BLOC1S3: variants seen among roughly 807,000 people sequenced by gnomAD.
The protein encoded by BLOC1S3 is biogenesis of lysosome-related organelles complex 1 subunit 3.
In BLOC1S3, 7 loss-of-function variants were observed where a neutral mutation model predicts 9.1. That is an observed-to-expected ratio of 0.77 (90% CI 0.44 to 1.45). BLOC1S3 has a LOEUF of 1.45. Ranked by LOEUF, BLOC1S3 falls within the 40% of genes most tolerant of loss-of-function variation. BLOC1S3 has a pLI of 0.01. For synonymous variants in BLOC1S3, 145 were observed against 158.4 expected (o/e 0.92, Z 0.64); for missense variants, 307 against 315.2 (o/e 0.97, Z 0.20).
downstream of BLOC1S3, among the ~76,000 whole-genome samples, chr19:45,183,791 T>C (rs1969546154): frequency 6.6e-6 from 1 of 151,784 alleles, no homozygotes; most frequent in Non-Finnish European, 1.5e-5. Flanking sequence ...CATGCCCAGC[T>C]AGTTTTTCTA....
chr19:45,211,172 CTTGCTCTT>C (rs1438866055), intron 3 of BLOC1S3, among the ~76,000 whole-genome samples: 1 of 152,010 alleles, frequency 6.6e-6, no homozygotes, highest in Non-Finnish European at 1.5e-5. Context: ...CAACTCCTCT[CTTGCTCTT>C]TTGCATATTG....
At position 45,190,874 on chromosome 19, in the gene BLOC1S3, C is replaced by T. The variant is rs957457272; in HGVS notation, n.180+3134C>T. 1.4e-4 allele frequency among the ~76,000 whole-genome samples: 18 copies of T among 128,520 alleles called. No homozygotes were observed. The South Asian group carries it at 2.0e-3, about 14-fold the overall frequency. 84.3% of individuals were successfully genotyped at this position (128,520 alleles called of 152,430 possible). On this transcript the variant is annotated intron_variant and non_coding_transcript_variant, in intron 2 of 3. Coordinates refer to the BLOC1S3 transcript ENST00000591569. ...AGGCTGGAGTGCAGTGGCGCAATCT[C>T]GGCTCACTGCAAGCTCTGCCTCCCA...
intron 2 of BLOC1S3, among the ~76,000 whole-genome samples, chr19:45,190,615 T>C (rs1969597165): frequency 6.6e-6 from 1 of 151,446 alleles, no homozygotes; most frequent in South Asian, 2.1e-4. Context: ...TTGCCCAGGC[T>C]GGTCTCGAAC....
At chr19:45,200,350 T>G (rs1024281468) in intron 2 of BLOC1S3, among the ~76,000 whole-genome samples, 1 of 151,862 alleles carries the variant, frequency 6.6e-6, no homozygotes, top group Middle Eastern at 3.2e-3. Flanking sequence ...CCTGGCTAAT[T>G]TTTTTGTATT....
chr19:45,211,324 C>T (rs113357289), intron 3 of BLOC1S3, among the ~76,000 whole-genome samples: 15,002 of 151,696 alleles, frequency 0.099, 796 homozygotes, highest in South Asian at 0.14. Flanking sequence ...TGGTGAAGCC[C>T]CGTCTCTACT....
chr19:45,190,121 G>T (rs1969593824), intron 2 of BLOC1S3, among the ~76,000 whole-genome samples: 1 of 151,464 alleles, frequency 6.6e-6, no homozygotes, highest in South Asian at 2.1e-4. Context: ...AAAGTACTGG[G>T]ATTACAGGCA....
chr19:45,184,905 A>C (rs1461053126), downstream of BLOC1S3, among the ~76,000 whole-genome samples: 2 of 74,316 alleles, frequency 2.7e-5, no homozygotes, highest in Non-Finnish European at 5.8e-5. Context: ...GTCTCAAACA[A>C]AAAAAAAAAA....
chr19:45,189,380 T>A lies in BLOC1S3; in HGVS notation n.180+1640T>A, dbSNP rs147888530. On this transcript the variant is annotated intron_variant and non_coding_transcript_variant, in intron 2 of 3. Coordinates refer to the BLOC1S3 transcript ENST00000591569. ...TGCTGCTTTTAGGATTCTTTCTTTA[T>A]CCTTGACCTTTGGGAGTTTGATTAT... Among the ~76,000 whole-genome samples the A allele has an allele frequency of 3.9e-3, 595 of 152,132 alleles. 26 individuals are homozygous for A. The East Asian group carries it at 0.1, about 26-fold the overall frequency.
At chr19:45,193,936 G>A (rs951061521) in intron 2 of BLOC1S3, among the ~76,000 whole-genome samples, 2 of 115,540 alleles carry the variant, frequency 1.7e-5, no homozygotes, top group African/African-American at 3.4e-5. Flanking sequence ...CTGAGTAGCC[G>A]GGACTACAGG....
intron 2 of BLOC1S3, among the ~76,000 whole-genome samples, chr19:45,198,448 C>T (rs79733169): frequency 2.6e-5 from 4 of 152,112 alleles, no homozygotes; most frequent in East Asian, 3.9e-4. Context: ...CCCGCCACCA[C>T]GCTCAGCTAA....
In BLOC1S3 at chr19:45,180,118, C is replaced by T. The variant is rs1422646601; in HGVS notation, c.*213C>T. On this transcript the variant is annotated 3_prime_UTR_variant, in exon 2 of 2. Transcript: ENST00000433642. Reference sequence around the variant, plus strand: ...GACCAGGGCCCCACTATCCTTAGATCTGGTTCCTCTCCCGATCCTGACCCT... The same window carrying T: ...GACCAGGGCCCCACTATCCTTAGATTTGGTTCCTCTCCCGATCCTGACCCT... 1.9e-6 allele frequency: 1 copy of T among 516,782 alleles called. No homozygotes were observed. The highest frequency in any genetic ancestry group is 3.6e-5 in the East Asian group (1 of 27,842). 32.0% of individuals were successfully genotyped at this position (516,782 alleles called of 1,614,324 possible). A position where few individuals can be genotyped will look rare whatever the true frequency, so the allele number is the denominator to read the frequency against.
intron 2 of BLOC1S3, among the ~76,000 whole-genome samples, chr19:45,196,850 G>A (rs534705965): frequency 8.6e-4 from 130 of 150,948 alleles, no homozygotes; most frequent in African/African-American, 2.8e-3. Context: ...GCAGTGAGCC[G>A]AGATGGGGCC....
At chr19:45,202,919 C>A (rs564862649) in intron 3 of BLOC1S3, among the ~76,000 whole-genome samples, 5 of 152,186 alleles carry the variant, frequency 3.3e-5, no homozygotes, top group Admixed American at 3.3e-4. Context: ...CCCTTCTGGT[C>A]CAGGGTGTGT....
Position 45,180,143 on chromosome 19 carries a change from T to A in BLOC1S3, c.*238T>A. 1 of 437,734 alleles carries A rather than the reference T, an allele frequency of 2.3e-6. No individual in the cohort carries two copies. Among genetic ancestry groups the A allele is most frequent in the East Asian group, 4.0e-5 (1 of 24,996 alleles). The allele number at this position is 437,734 out of a possible 1,614,324, so 27.1% of individuals were successfully genotyped here. On this transcript the variant is annotated 3_prime_UTR_variant, in exon 2 of 2. Coordinates refer to ENST00000433642, the MANE Select transcript of BLOC1S3 (RefSeq NM_212550.5). ...CTGGTTCCTCTCCCGATCCTGACCCTGCCGCCTGGTTCTGAGCCTTCCCCT... is the reference window on the plus strand; with the variant it reads ...CTGGTTCCTCTCCCGATCCTGACCCAGCCGCCTGGTTCTGAGCCTTCCCCT...
chr19:45,195,566 C>T (rs990400858), intron 2 of BLOC1S3, among the ~76,000 whole-genome samples: 4 of 119,538 alleles, frequency 3.3e-5, no homozygotes, highest in Admixed American at 2.5e-4. Flanking sequence ...TCCTTCCCTC[C>T]CTCCCTCCCT....
At chr19:45,213,108 G>GGGCCGA in intron 3 of BLOC1S3, 1 of 1,541,480 alleles carries the variant, frequency 6.5e-7, no homozygotes, top group Non-Finnish European at 8.7e-7. Flanking sequence ...ACGGAGGCCG[G>GGGCCGA]GGCCGAGGCA....
At chr19:45,184,972 G>T (rs910586932), downstream of BLOC1S3, among the ~76,000 whole-genome samples, 10 of 148,170 alleles carry the variant, frequency 6.7e-5, no homozygotes, top group African/African-American at 2.5e-4. Flanking sequence ...GACTGGGGAA[G>T]TACCTAGATG....
intron 3 of BLOC1S3, chr19:45,216,198 C>CA: frequency 1.9e-6 from 3 of 1,613,524 alleles, no homozygotes; most frequent in Non-Finnish European, 2.5e-6. Context: ...GGGACTCCTG[C>CA]AGGGGAGGGA....
At chr19:45,182,344 C>T (rs1969531148), downstream of BLOC1S3, among the ~76,000 whole-genome samples, 1 of 152,032 alleles carries the variant, frequency 6.6e-6, no homozygotes, top group African/African-American at 2.4e-5. Context: ...CACTGCACTC[C>T]AGCCCGAGCG....
Sources: gnomAD v4.1 joint callset for allele counts (sites outside exome capture counted in the v4.1 genomes callset) on GRCh38, gnomAD v4.1.1 for gene constraint, MANE v1.5 for transcripts, NCBI Gene and HGNC (gene_info 2026-07-23, HGNC 2026-07-21) for gene names.